MYCT1: variants seen among roughly 807,000 people sequenced by gnomAD.
MYCT1 encodes myc target protein 1.
In MYCT1, 12 loss-of-function variants were observed where a neutral mutation model predicts 15.0. The observed-to-expected ratio is 0.80, with a 90% confidence interval of 0.51 to 1.29. MYCT1 has a LOEUF of 1.29. Ranked by LOEUF, MYCT1 falls within the 50% of genes most tolerant of loss-of-function variation. The probability of loss-of-function intolerance (pLI) is 0.00; values close to 1 mark genes in which losing one functional copy is unlikely to be tolerated. For synonymous variants in MYCT1, 104 were observed against 102.7 expected (o/e 1.01, Z -0.07); for missense variants, 287 against 279.1 (o/e 1.03, Z -0.20).
chr6:152,729,243 G>A (rs1182601163), downstream of MYCT1, among the ~76,000 whole-genome samples: 1 of 151,966 alleles, frequency 6.6e-6, no homozygotes, highest in Non-Finnish European at 1.5e-5. Context: ...ATGTTCTTTG[G>A]AATTTTAACT....
chr6:152,705,754 C>A, intron 1 of MYCT1: 1 of 467,204 alleles, frequency 2.1e-6, no homozygotes, highest in Non-Finnish European at 3.9e-6. Context: ...TGTATTCCAG[C>A]CTTGGACTCA....
At chr6:152,708,761 T>C (rs1461431594) in intron 1 of MYCT1, among the ~76,000 whole-genome samples, 1 of 152,128 alleles carries the variant, frequency 6.6e-6, no homozygotes, top group Non-Finnish European at 1.5e-5. Context: ...CAGTTTTCAT[T>C]ATCCCCAGAC....
the MYCT1 span, among the ~76,000 whole-genome samples, chr6:152,729,970 T>C: frequency 6.6e-6 from 1 of 152,122 alleles, no homozygotes; most frequent in African/African-American, 2.4e-5. Flanking sequence ...TTCTTCAACA[T>C]GGAAAGAAAG....
the MYCT1 span, among the ~76,000 whole-genome samples, chr6:152,737,165 T>C: frequency 6.6e-6 from 1 of 152,086 alleles, no homozygotes; most frequent in Non-Finnish European, 1.5e-5. Flanking sequence ...CTAAGATAAA[T>C]TGCTTGCAAA....
chr6:152,742,501 A>C, the MYCT1 span, among the ~76,000 whole-genome samples: 4 of 152,190 alleles, frequency 2.6e-5, no homozygotes, highest in Non-Finnish European at 4.4e-5. Context: ...TGTTTCCTTC[A>C]AGAGCAATAG....
In MYCT1 at chr6:152,722,185, C is replaced by T. The variant is rs2099724836; in HGVS notation, c.640C>T (p.Arg214Ter). The T allele has an allele frequency of 1.2e-5, 20 of 1,614,130 alleles. No homozygotes were observed. Among genetic ancestry groups the T allele is most frequent in the East Asian group, 1.1e-4 (5 of 44,882 alleles). Reference sequence around the variant, plus strand: ...TGACTACTGGTCCAGTAACAGTCTTCGAGTGGGCCTTTCAACACCGCCCCC... The same window carrying T: ...TGACTACTGGTCCAGTAACAGTCTTTGAGTGGGCCTTTCAACACCGCCCCC... Reference protein sequence around the residue: ...RPDYWSSNSLRVGLSTPPPPA... With the variant: ...RPDYWSSNSL Residue 214 changes from arginine (R) to a stop codon, truncating the protein, a stop_gained, in exon 2 of 2, where the codon CGA becomes TGA. Transcript: ENST00000367245. LOFTEE classifies it high-confidence loss of function.
intron 1 of MYCT1, among the ~76,000 whole-genome samples, chr6:152,704,470 A>G (rs1412818981): frequency 2.6e-5 from 4 of 152,128 alleles, no homozygotes; most frequent in Non-Finnish European, 5.9e-5. Flanking sequence ...TTTTTAAACA[A>G]TTTTTATCAC....
At chr6:152,705,160 G>A (rs1291911913) in intron 1 of MYCT1, among the ~76,000 whole-genome samples, 2 of 152,142 alleles carry the variant, frequency 1.3e-5, no homozygotes, top group African/African-American at 4.8e-5. Flanking sequence ...AAAATATCAG[G>A]TTGAAACTGT....
Position 152,697,981 on chromosome 6 carries a change from CT to C in MYCT1, c.86del (p.Phe29SerfsTer28). The part of the protein sequence containing the change: ...AVLQRDRIKL[L>X]FFDILVFLSV... ...ACTACAAAGAGATAGAATCAAACTGCTTTTTTTCGACATACTGGTTTTTCTT... is the reference window on the plus strand; with the variant it reads ...ACTACAAAGAGATAGAATCAAACTGCTTTTTTCGACATACTGGTTTTTCTT... On this transcript the variant is annotated frameshift_variant, in exon 1 of 2. Transcript: ENST00000367245. LOFTEE classifies it high-confidence loss of function. 9.3e-6 allele frequency: 15 copies of C among 1,608,124 alleles called. No homozygotes were observed. Among genetic ancestry groups the C allele is most frequent in the East Asian group, 2.3e-5 (1 of 44,398 alleles).
At chr6:152,702,726 T>C (rs1438819451) in intron 1 of MYCT1, among the ~76,000 whole-genome samples, 1 of 152,200 alleles carries the variant, frequency 6.6e-6, no homozygotes, top group Non-Finnish European at 1.5e-5. Flanking sequence ...TGGAAACAAA[T>C]ACTATGTCTC....
rs1163445892 is a variant in MYCT1, at chr6:152,723,676, C to G, written c.*1423C>G. The G allele has an allele frequency of 6.6e-6, 1 of 152,246 alleles. No individual in the cohort carries two copies. The highest frequency in any genetic ancestry group is 2.4e-5 in the African/African-American group (1 of 41,450). 9.4% of individuals were successfully genotyped at this position (152,246 alleles called of 1,614,324 possible). ...CACACAGTTATTTAAGAATCCACTT[C>G]CACAGGTGGCTGCCCTTGTAAGGAA... On this transcript the variant is annotated 3_prime_UTR_variant, in exon 2 of 2. Transcript: ENST00000367245.
chr6:152,715,619 A>AG (rs1452682515), intron 1 of MYCT1, among the ~76,000 whole-genome samples: 1 of 152,228 alleles, frequency 6.6e-6, no homozygotes, highest in Non-Finnish European at 1.5e-5. Context: ...GAAGGAAAAA[A>AG]GAAAAACAAG....
the MYCT1 span, among the ~76,000 whole-genome samples, chr6:152,732,388 G>T: frequency 7.9e-5 from 12 of 152,134 alleles, no homozygotes; most frequent in African/African-American, 2.2e-4. Flanking sequence ...GATGAGAGTT[G>T]AATTTTCAAC....
downstream of MYCT1, among the ~76,000 whole-genome samples, chr6:152,725,028 GT>G (rs1322887586): frequency 6.6e-6 from 1 of 151,864 alleles, no homozygotes; most frequent in Non-Finnish European, 1.5e-5. Flanking sequence ...TGAAATAAAT[GT>G]TTAGCAAATC....
chr6:152,740,336 C>A, the MYCT1 span, among the ~76,000 whole-genome samples: 1 of 152,252 alleles, frequency 6.6e-6, no homozygotes, highest in South Asian at 2.1e-4. Context: ...AGGCGTGAGC[C>A]ACCGTACCAG....
At chr6:152,720,796 G>A (rs568564137) in intron 1 of MYCT1, among the ~76,000 whole-genome samples, 1 of 152,200 alleles carries the variant, frequency 6.6e-6, no homozygotes, top group Admixed American at 6.5e-5. Context: ...GGGGAAATGT[G>A]GGGGACCAAC....
chr6:152,726,650 T>G (rs2099725724), downstream of MYCT1, among the ~76,000 whole-genome samples: 1 of 152,136 alleles, frequency 6.6e-6, no homozygotes, highest in South Asian at 2.1e-4. Context: ...TTTATTTTTT[T>G]CGTTCCCTTT....
chr6:152,728,009 C>A (rs1169704522), downstream of MYCT1, among the ~76,000 whole-genome samples: 1 of 151,880 alleles, frequency 6.6e-6, no homozygotes, highest in Non-Finnish European at 1.5e-5. Flanking sequence ...ACTCAAAATA[C>A]AAAAATTAGC....
the MYCT1 span, among the ~76,000 whole-genome samples, chr6:152,737,333 G>A: frequency 2.0e-5 from 3 of 151,704 alleles, no homozygotes; most frequent in African/African-American, 7.3e-5. Flanking sequence ...TGCATCTTAT[G>A]TATGTGTGTG....
Sources: allele counts gnomAD v4.1 joint callset (sites outside exome capture counted in the v4.1 genomes callset), GRCh38; gene constraint gnomAD v4.1.1; transcripts MANE v1.5; gene names NCBI Gene and HGNC (gene_info 2026-07-23, HGNC 2026-07-21).